Variants in PCDHGA2 observed in about 807,000 individuals in gnomAD.
PCDHGA2 encodes the protein protocadherin gamma-A2.
PCDHGA2 carries 40 observed loss-of-function variants against 59.2 expected under a neutral mutation model. That is an observed-to-expected ratio of 0.68 (90% CI 0.52 to 0.88). The LOEUF (loss-of-function observed/expected upper bound fraction) is 0.88. PCDHGA2 is among the 40% of genes least tolerant of loss of function. PCDHGA2 has a pLI of 0.00. For missense variants in PCDHGA2, 1,226 were observed against 1,204.0 expected (o/e 1.02, Z -0.27); for synonymous variants, 560 against 526.0 (o/e 1.06, Z -0.89).
chr5:141,373,865 C>T, intron 1 of PCDHGA2: 1 of 465,356 alleles, frequency 2.1e-6, no homozygotes, highest in Admixed American at 3.9e-5. Context: ...GTTGACCAAC[C>T]TGGGCAAGAA....
intron 1 of PCDHGA2, chr5:141,374,945 A>C (rs779694385): frequency 6.2e-7 from 1 of 1,614,034 alleles, no homozygotes; most frequent in Admixed American, 1.7e-5. Context: ...TACAGAAAAG[A>C]TCTCACAAAT....
At chr5:141,422,568 C>A (rs372115955) in intron 1 of PCDHGA2, 5 of 1,613,904 alleles carry the variant, frequency 3.1e-6, no homozygotes, top group Admixed American at 3.3e-5. Context: ...CAGATGACAA[C>A]GATAACCCTC....
chr5:141,478,987 G>T (rs1007857792), intron 1 of PCDHGA2, among the ~76,000 whole-genome samples: 8 of 152,144 alleles, frequency 5.3e-5, no homozygotes, highest in African/African-American at 1.4e-4. Flanking sequence ...TGTGACATTT[G>T]TATTAAAACT....
In PCDHGA2 at chr5:141,454,796, A is replaced by ATTTTTTTTTTTTTTTTTTT. The variant is rs61612330; in HGVS notation, c.2425-40000_2425-39982dup. Among the ~76,000 whole-genome samples the ATTTTTTTTTTTTTTTTTTT allele has an allele frequency of 2.8e-4, 22 of 77,458 alleles. 2 individuals are homozygous for ATTTTTTTTTTTTTTTTTTT. Among genetic ancestry groups the ATTTTTTTTTTTTTTTTTTT allele is most frequent in the East Asian group, 4.0e-4 (1 of 2,512 alleles). The allele number at this position is 77,458 out of a possible 152,430, so 50.8% of individuals were successfully genotyped here. The stretch of plus-strand genomic sequence containing the variant: ...AAGGAAATAATCCTCCATGGTTCTA[A>ATTTTTTTTTTTTTTTTTTT]TTTTTTTTTTTTTTTTTTTTTTTTT... On this transcript the variant is annotated intron_variant, in intron 1 of 3. Coordinates refer to ENST00000394576, the MANE Select transcript of PCDHGA2 (RefSeq NM_018915.4).
chr5:141,489,042 A>T lies in PCDHGA2; in HGVS notation c.2425-5765A>T. On this transcript the variant is annotated intron_variant, in intron 1 of 3. Coordinates refer to ENST00000394576, the MANE Select transcript of PCDHGA2 (RefSeq NM_018915.4). This position sits in a 1 kb window ranked among gnomAD's most constrained non-coding sequence, Gnocchi z 4.5. ...TCTCCTCCTCCAGCTCCCCAGCTCCACTCAAATTCAGCTCCCCTCCCCCCT... is the reference window on the plus strand; with the variant it reads ...TCTCCTCCTCCAGCTCCCCAGCTCCTCTCAAATTCAGCTCCCCTCCCCCCT... The T allele has an allele frequency of 4.2e-6, 2 of 473,800 alleles. No individual in the cohort carries two copies. The highest frequency in any genetic ancestry group is 3.7e-6 in the Non-Finnish European group (1 of 270,920). 29.3% of individuals were successfully genotyped at this position (473,800 alleles called of 1,614,324 possible).
At chr5:141,403,876 T>A (rs1189942027) in intron 1 of PCDHGA2, 3 of 1,613,702 alleles carry the variant, frequency 1.9e-6, no homozygotes, top group African/African-American at 1.3e-5. Flanking sequence ...AAAGTCTAGA[T>A]TATGAAGAAT....
chr5:141,399,405 G>A (rs768053678), intron 1 of PCDHGA2: 1 of 1,613,974 alleles, frequency 6.2e-7, no homozygotes, highest in Admixed American at 1.7e-5. Flanking sequence ...GGGGCAAGCC[G>A]CCCCTCTCCT....
chr5:141,492,360 G>A (rs2099739696), intron 1 of PCDHGA2, among the ~76,000 whole-genome samples: 1 of 152,190 alleles, frequency 6.6e-6, no homozygotes, highest in African/African-American at 2.4e-5. Context: ...CCACTCGCTC[G>A]CGGCCAGATT....
rs749528675 is a variant in PCDHGA2, at chr5:141,490,604, A to G, written c.2425-4203A>G. On this transcript the variant is annotated intron_variant, in intron 1 of 3. Coordinates refer to ENST00000394576, the MANE Select transcript of PCDHGA2 (RefSeq NM_018915.4). This position sits in a 1 kb window ranked among gnomAD's most constrained non-coding sequence, Gnocchi z 5.4. ...GTCAATGACAATGCACCCCGCTTCA[A>G]CCAGCAGCTTTACACTGCTTACATC... is the stretch of plus-strand genomic sequence containing the variant. 13 of 1,614,192 alleles carry G rather than the reference A, an allele frequency of 8.1e-6. No homozygotes were observed. Among genetic ancestry groups the G allele is most frequent in the Non-Finnish European group, 1.1e-5 (13 of 1,180,022 alleles).
At chr5:141,360,957 C>A in intron 1 of PCDHGA2, 3 of 1,613,904 alleles carry the variant, frequency 1.9e-6, no homozygotes, top group South Asian at 2.2e-5. Flanking sequence ...AAGGCATAAA[C>A]GCAGAGATCA....
In PCDHGA2 at chr5:141,485,089, G is replaced by C; in HGVS notation, c.2425-9718G>C. 9.7e-7 allele frequency: 1 copy of C among 1,027,236 alleles called. No individual in the cohort carries two copies. The highest frequency in any genetic ancestry group is 1.5e-6 in the Non-Finnish European group (1 of 674,564). The allele number at this position is 1,027,236 out of a possible 1,614,324, so 63.6% of individuals were successfully genotyped here. On this transcript the variant is annotated intron_variant, in intron 1 of 3. Coordinates refer to ENST00000394576, the MANE Select transcript of PCDHGA2 (RefSeq NM_018915.4). This position sits in a 1 kb window ranked among gnomAD's most constrained non-coding sequence, Gnocchi z 5.7. ...GAGCTGGCGCGGGGAAAGGGAGATA[G>C]GTGTCTCCAGCTGCTGTGGCTGTTT... is the stretch of plus-strand genomic sequence containing the variant.
chr5:141,408,670 T>G, intron 1 of PCDHGA2: 1 of 1,614,008 alleles, frequency 6.2e-7, no homozygotes, highest in Non-Finnish European at 8.5e-7. Context: ...CGCTTGACCC[T>G]GCCACGGATC....
rs747268184 is a variant in PCDHGA2, at chr5:141,489,769, C to A, written c.2425-5038C>A. On this transcript the variant is annotated intron_variant, in intron 1 of 3. Coordinates refer to ENST00000394576, the MANE Select transcript of PCDHGA2 (RefSeq NM_018915.4). This position sits in a 1 kb window ranked among gnomAD's most constrained non-coding sequence, Gnocchi z 4.5. ...CTTTTACACTCTAAGCCCCAACAGC[C>A]ACTTCTCTCTGAATGTGAAGACCCT... The A allele has an allele frequency of 6.2e-7, 1 of 1,614,156 alleles. No individual in the cohort carries two copies. The highest frequency in any genetic ancestry group is 1.1e-5 in the South Asian group (1 of 91,080).
intron 1 of PCDHGA2, chr5:141,410,274 A>G: frequency 4.3e-6 from 7 of 1,613,948 alleles, no homozygotes; most frequent in Non-Finnish European, 5.9e-6. Context: ...CTGCAGTTTT[A>G]CCTGGTGGTG....
intron 1 of PCDHGA2, chr5:141,398,768 C>T (rs1177677138): frequency 6.2e-6 from 10 of 1,613,946 alleles, no homozygotes; most frequent in South Asian, 1.1e-5. Context: ...GTCCTGACTG[C>T]CTTGGACGGT....
rs766916840 is a variant in PCDHGA2 at position 141,344,984 on chromosome 5, T to G, written c.2424+3589T>G. The G allele has an allele frequency of 7.4e-6, 12 of 1,613,932 alleles. No individual in the cohort carries two copies. The highest frequency in any genetic ancestry group is 1.0e-5 in the Non-Finnish European group (12 of 1,179,834). ...ATGAGGATGCCATGTTCTATGAAATTAAAATTGAAGCACAGGATGGACCAG... is the reference window on the plus strand; with the variant it reads ...ATGAGGATGCCATGTTCTATGAAATGAAAATTGAAGCACAGGATGGACCAG... On this transcript the variant is annotated intron_variant, in intron 1 of 3. Transcript: ENST00000394576.
chr5:141,489,723 T>C lies in PCDHGA2; in HGVS notation c.2425-5084T>C, dbSNP rs900332220. ...CACTGGACAGTGCCCAGGATCCGGA[T>C]GTGGGCACCAATACTGTGAGCTTTT... On this transcript the variant is annotated intron_variant, in intron 1 of 3. Coordinates refer to ENST00000394576, the MANE Select transcript of PCDHGA2 (RefSeq NM_018915.4). This position sits in a 1 kb window ranked among gnomAD's most constrained non-coding sequence, Gnocchi z 4.5. 4.3e-6 allele frequency: 7 copies of C among 1,613,958 alleles called. No homozygotes were observed. The highest frequency in any genetic ancestry group is 5.9e-6 in the Non-Finnish European group (7 of 1,179,940).
intron 1 of PCDHGA2, chr5:141,383,733 A>G (rs770047743): frequency 6.8e-6 from 11 of 1,613,886 alleles, no homozygotes; most frequent in South Asian, 6.6e-5. Flanking sequence ...GGGAAGTGAC[A>G]TATTCTTTTC....
At chr5:141,372,411 C>G (rs1768748655) in intron 1 of PCDHGA2, 1 of 1,614,080 alleles carries the variant, frequency 6.2e-7, no homozygotes, top group East Asian at 2.2e-5. Context: ...AGAGATACAA[C>G]CTGACCTTAG....
Sources: gnomAD v4.1 joint callset for allele counts (sites outside exome capture counted in the v4.1 genomes callset) on GRCh38, gnomAD v4.1.1 for gene constraint, Gnocchi (gnomAD v3.1) non-coding constraint, MANE v1.5 for transcripts, NCBI Gene and HGNC (gene_info 2026-07-23, HGNC 2026-07-21) for gene names.